The following IYD variants were observed in gnomAD, a reference collection of about 807,000 sequenced individuals.
The protein encoded by IYD is iodotyrosine deiodinase 1.
A neutral mutation model predicts 28.4 loss-of-function variants in IYD; 25 were observed. The observed-to-expected ratio is 0.88, with a 90% CI of 0.64 to 1.23. The LOEUF is 1.23. Among genes scored for constraint, IYD ranks in the 50% most tolerant of loss-of-function variants. The pLI is 0.00. For missense variants in IYD, 352 were observed against 357.9 expected (o/e 0.98, Z 0.13); for synonymous variants, 140 against 130.8 (o/e 1.07, Z -0.48).
At chr6:150,388,638 T>TCTTCTTTCTTTCTTC (rs1230049813) in intron 1 of IYD, among the ~76,000 whole-genome samples, 1 of 50,100 alleles carries the variant, frequency 2.0e-5, no homozygotes, top group African/African-American at 4.9e-5. Flanking sequence ...TTGCTTTCTT[T>TCTTCTTTCTTTCTTC]CTTTCTTTCT....
At chr6:150,392,034 TA>T (rs374109944) in intron 2 of IYD, among the ~76,000 whole-genome samples, 2,539 of 144,152 alleles carry the variant, frequency 0.018, 59 homozygotes, top group African/African-American at 0.06. Flanking sequence ...CGTTTATCCT[TA>T]AAAAAAAAAA....
At chr6:150,394,736 G>C (rs909812690) in intron 4 of IYD, among the ~76,000 whole-genome samples, 1 of 152,194 alleles carries the variant, frequency 6.6e-6, no homozygotes, top group Non-Finnish European at 1.5e-5. Flanking sequence ...CGAGAGCAAT[G>C]CTAACATGAA....
intron 1 of IYD, among the ~76,000 whole-genome samples, chr6:150,386,884 C>G (rs1777882926): frequency 6.6e-6 from 1 of 152,010 alleles, no homozygotes. Context: ...AAACAACATA[C>G]TTGGACTTAA....
intron 3 of IYD, among the ~76,000 whole-genome samples, chr6:150,393,164 T>G (rs144311971): frequency 6.6e-6 from 1 of 152,320 alleles, no homozygotes; most frequent in East Asian, 1.9e-4. Flanking sequence ...TTAACTATTT[T>G]CACCCTTGCA....
chr6:150,379,713 C>T (rs1476249369), intron 1 of IYD, among the ~76,000 whole-genome samples: 1 of 152,154 alleles, frequency 6.6e-6, no homozygotes, highest in East Asian at 1.9e-4. Context: ...AAATTAAACA[C>T]CACACCTAGA....
chr6:150,381,450 T>C (rs556171087), intron 1 of IYD, among the ~76,000 whole-genome samples: 6 of 152,286 alleles, frequency 3.9e-5, no homozygotes, highest in African/African-American at 1.2e-4. Context: ...CTTCTTCTCA[T>C]TGAAAAAACT....
At chr6:150,383,479 C>A (rs1777729386) in intron 1 of IYD, among the ~76,000 whole-genome samples, 1 of 152,292 alleles carries the variant, frequency 6.6e-6, no homozygotes, top group Middle Eastern at 3.4e-3. Context: ...GATGAGCATT[C>A]CAATGCATAC....
In IYD at chr6:150,401,968, ACCC is replaced by A. The variant is rs1778523020; in HGVS notation, c.*3732_*3734del. 6.6e-6 allele frequency: 1 copy of A among 152,122 alleles called. No homozygotes were observed. The highest frequency in any genetic ancestry group is 2.4e-5 in the African/African-American group (1 of 41,414). The allele number at this position is 152,122 out of a possible 1,614,324, so 9.4% of individuals were successfully genotyped here. ...GTTAAAGCACAGATTGCTGGGCCGC[ACCC>A]TCAGGGTGTGTGATTGTGTGATTCA... On this transcript the variant is annotated 3_prime_UTR_variant, in exon 5 of 5. Coordinates refer to ENST00000344419, the MANE Select transcript of IYD (RefSeq NM_203395.3).
chr6:150,403,177 T>C lies in IYD; in HGVS notation c.*4940T>C, dbSNP rs889244620. ...ACATTTTGTAAGCATCTTTTAGGAA[T>C]ATCAGTAAGTGGAAGAAAAACACAT... On this transcript the variant is annotated 3_prime_UTR_variant, in exon 5 of 5. Transcript: ENST00000344419. The C allele has an allele frequency of 6.6e-6, 1 of 152,228 alleles. No individual in the cohort carries two copies. The highest frequency in any genetic ancestry group is 1.5e-5 in the Non-Finnish European group (1 of 68,030). The allele number at this position is 152,228 out of a possible 1,614,324, so 9.4% of individuals were successfully genotyped here.
chr6:150,370,355 GTGCATGAGTGTGTGTGAGCA>G (rs1217546496), intron 1 of IYD: 6 of 295,076 alleles, frequency 2.0e-5, no homozygotes, highest in Non-Finnish European at 3.0e-5. Context: ...GTGCACGTGT[GTGCATGAGTGTGTGTGAGCA>G]TGCATGAGTT....
Position 150,398,354 on chromosome 6 carries a change from G to A in IYD, c.*117G>A. On this transcript the variant is annotated 3_prime_UTR_variant, in exon 5 of 5. Coordinates refer to ENST00000344419, the MANE Select transcript of IYD (RefSeq NM_203395.3). Reference sequence around the variant, plus strand: ...TCTCCAGGTGTCAGGTCCCCTCATTGCTCTTCTCAGGTGGCCACACTATGT... The same window carrying A: ...TCTCCAGGTGTCAGGTCCCCTCATTACTCTTCTCAGGTGGCCACACTATGT... 1.0e-6 allele frequency: 1 copy of A among 960,796 alleles called. No homozygotes were observed. Among genetic ancestry groups the A allele is most frequent in the Non-Finnish European group, 1.6e-6 (1 of 615,506 alleles). The allele number at this position is 960,796 out of a possible 1,614,324, so 59.5% of individuals were successfully genotyped here. A position where few individuals can be genotyped will look rare whatever the true frequency, so the allele number is the denominator to read the frequency against.
At position 150,387,337 on chromosome 6, in the gene IYD, G is replaced by C. The variant is rs531911181; in HGVS notation, c.179-2015G>C. Among the ~76,000 whole-genome samples the C allele has an allele frequency of 8.6e-5, 13 of 151,638 alleles. 1 individual carries two copies. The highest frequency in any genetic ancestry group is 8.5e-4 in the Admixed American group (13 of 15,226). On this transcript the variant is annotated intron_variant, in intron 1 of 4. Transcript: ENST00000344419. ...GCTACTCAGGAGGCTGAAGCTGGAG[G>C]ATCCCTTGAGGCCAGGAGTTTGAGT...
In IYD at chr6:150,404,090, T is replaced by C. The variant is rs1180646613; in HGVS notation, c.*5853T>C. ...ACTGTCTCCCAGCGCTGGAGTACTG[T>C]CTTATGACCAGAGATCCTAAGCAAC... On this transcript the variant is annotated 3_prime_UTR_variant, in exon 5 of 5. Coordinates refer to ENST00000344419, the MANE Select transcript of IYD (RefSeq NM_203395.3). 6.6e-6 allele frequency: 1 copy of C among 152,166 alleles called. No individual in the cohort carries two copies. Among genetic ancestry groups the C allele is most frequent in the Non-Finnish European group, 1.5e-5 (1 of 68,020 alleles). The allele number at this position is 152,166 out of a possible 1,614,324, so 9.4% of individuals were successfully genotyped here. A position where few individuals can be genotyped will look rare whatever the true frequency, so the allele number is the denominator to read the frequency against.
chr6:150,372,689 T>C (rs1364688807), intron 1 of IYD, among the ~76,000 whole-genome samples: 1 of 88,946 alleles, frequency 1.1e-5, no homozygotes, highest in Non-Finnish European at 2.1e-5. Context: ...ATTAGACATG[T>C]GTGTGTGGGG....
At chr6:150,380,584 T>A (rs541704851) in intron 1 of IYD, among the ~76,000 whole-genome samples, 1 of 152,168 alleles carries the variant, frequency 6.6e-6, no homozygotes, top group Non-Finnish European at 1.5e-5. Context: ...CAATCCTACA[T>A]GCTTTGAGGA....
chr6:150,375,819 C>T (rs999920384), intron 1 of IYD, among the ~76,000 whole-genome samples: 1 of 152,138 alleles, frequency 6.6e-6, no homozygotes, highest in African/African-American at 2.4e-5. Context: ...CTGCATCACC[C>T]TCCTCCTTAG....
In IYD at chr6:150,389,561, G is replaced by C; in HGVS notation, c.370+18G>C. ...AACGGCAGGTTTGTAATTGCAGATGGGGTCTTTGGAAATGTTAGTCACCTT... is the reference window on the plus strand; with the variant it reads ...AACGGCAGGTTTGTAATTGCAGATGCGGTCTTTGGAAATGTTAGTCACCTT... On this transcript the variant is annotated intron_variant, in intron 2 of 4. Coordinates refer to ENST00000344419, the MANE Select transcript of IYD (RefSeq NM_203395.3). 1.2e-6 allele frequency: 2 copies of C among 1,608,190 alleles called. No homozygotes were observed. Among genetic ancestry groups the C allele is most frequent in the Non-Finnish European group, 1.7e-6 (2 of 1,174,804 alleles).
intron 1 of IYD, among the ~76,000 whole-genome samples, chr6:150,377,886 T>C (rs981861657): frequency 1.3e-5 from 2 of 152,224 alleles, no homozygotes; most frequent in African/African-American, 4.8e-5. Context: ...GTGACGTTCA[T>C]GACATTGGCA....
chr6:150,382,788 T>C (rs1434477082), intron 1 of IYD, among the ~76,000 whole-genome samples: 2 of 152,254 alleles, frequency 1.3e-5, no homozygotes, highest in Admixed American at 6.5e-5. Context: ...TTTTTGTTTC[T>C]AGAGGATCTT....
Sources: gnomAD v4.1 joint callset for allele counts (sites outside exome capture counted in the v4.1 genomes callset) on GRCh38, gnomAD v4.1.1 for gene constraint, MANE v1.5 for transcripts, NCBI Gene and HGNC (gene_info 2026-07-23, HGNC 2026-07-21) for gene names.